The following LUZP2 variants were observed in gnomAD, a reference collection of about 807,000 sequenced individuals.
LUZP2 encodes the protein leucine zipper protein 2.
In LUZP2, 52 loss-of-function variants were observed where a neutral mutation model predicts 51.6. The observed-to-expected ratio is 1.01, with a 90% CI of 0.81 to 1.27. LUZP2 has a LOEUF of 1.27. Among genes scored for constraint, LUZP2 ranks in the 50% most tolerant of loss-of-function variants. The pLI, the probability that LUZP2 is intolerant of heterozygous loss-of-function variation, is 0.00. For missense variants in LUZP2, 436 were observed against 395.4 expected (o/e 1.10, Z -0.87); for synonymous variants, 154 against 137.3 (o/e 1.12, Z -0.85).
chr11:25,003,609 C>T (rs922522882), intron 9 of LUZP2, among the ~76,000 whole-genome samples: 11 of 152,126 alleles, frequency 7.2e-5, no homozygotes, highest in African/African-American at 1.7e-4. Flanking sequence ...AGCTTTTAAA[C>T]GTTTAACAAT....
intron 5 of LUZP2, among the ~76,000 whole-genome samples, chr11:24,789,691 G>A (rs1461819320): frequency 6.6e-6 from 1 of 152,156 alleles, no homozygotes; most frequent in Non-Finnish European, 1.5e-5. Flanking sequence ...GGAAGTCCAA[G>A]ATCAAGATGC....
intron 9 of LUZP2, among the ~76,000 whole-genome samples, chr11:25,013,687 C>A (rs1276034150): frequency 6.6e-6 from 1 of 151,868 alleles, no homozygotes; most frequent in Non-Finnish European, 1.5e-5. Context: ...ATAAGGTCAC[C>A]CAATGATATA....
chr11:24,697,506 A>T (rs1857285855), intron 1 of LUZP2, among the ~76,000 whole-genome samples: 1 of 152,216 alleles, frequency 6.6e-6, no homozygotes, highest in South Asian at 2.1e-4. Flanking sequence ...TCACAAGCTA[A>T]CTACCTTTGC....
intron 9 of LUZP2, among the ~76,000 whole-genome samples, chr11:24,991,303 T>C (rs1017295939): frequency 1.3e-5 from 2 of 151,522 alleles, no homozygotes; most frequent in Non-Finnish European, 1.5e-5. Flanking sequence ...ATTAATTTAT[T>C]CCTTGTTATG....
intron 1 of LUZP2, among the ~76,000 whole-genome samples, chr11:24,639,989 G>A (rs34901679): frequency 6.6e-6 from 1 of 151,506 alleles, no homozygotes; most frequent in African/African-American, 2.4e-5. Flanking sequence ...TCTGACATTA[G>A]GTTAAATGTC....
intron 9 of LUZP2, among the ~76,000 whole-genome samples, chr11:24,983,911 G>A (rs1856115462): frequency 6.6e-6 from 1 of 151,294 alleles, no homozygotes; most frequent in African/African-American, 2.4e-5. Context: ...ACTCATTTGA[G>A]CAAATCTTCC....
At chr11:24,891,202 C>G in intron 5 of LUZP2, 3 of 984,870 alleles carry the variant, frequency 3.0e-6, no homozygotes, top group Non-Finnish European at 3.6e-6. Context: ...TGTGATGAAG[C>G]ATACCCTTGT....
At chr11:25,014,944 G>A (rs951007209) in intron 9 of LUZP2, among the ~76,000 whole-genome samples, 5 of 152,118 alleles carry the variant, frequency 3.3e-5, no homozygotes, top group Non-Finnish European at 7.4e-5. Flanking sequence ...GTAAGGAAGG[G>A]ATCCAGTTTC....
At chr11:24,549,350 C>T (rs1267926684) in intron 1 of LUZP2, among the ~76,000 whole-genome samples, 1 of 152,090 alleles carries the variant, frequency 6.6e-6, no homozygotes, top group Non-Finnish European at 1.5e-5. Context: ...CATCAGCACA[C>T]ACGGAGCTGT....
intron 5 of LUZP2, among the ~76,000 whole-genome samples, chr11:24,840,262 A>G (rs1013920912): frequency 1.3e-5 from 2 of 151,850 alleles, no homozygotes; most frequent in African/African-American, 4.8e-5. Flanking sequence ...AAAACATAGT[A>G]ACATTTATCC....
At chr11:24,654,504 C>T (rs1304419936) in intron 1 of LUZP2, among the ~76,000 whole-genome samples, 2 of 152,010 alleles carry the variant, frequency 1.3e-5, no homozygotes, top group African/African-American at 2.4e-5. Flanking sequence ...CAACTTCCAC[C>T]CCTGGGCTCA....
intron 1 of LUZP2, among the ~76,000 whole-genome samples, chr11:24,541,257 GAAAAAA>G (rs3077907): frequency 8.8e-6 from 1 of 114,212 alleles, no homozygotes; most frequent in South Asian, 3.1e-4. Context: ...TCATCTCAAG[GAAAAAA>G]AAAAAAAAAA....
At chr11:24,504,375 G>A (rs79662838) in intron 1 of LUZP2, among the ~76,000 whole-genome samples, 2 of 152,088 alleles carry the variant, frequency 1.3e-5, no homozygotes, top group African/African-American at 4.8e-5. Flanking sequence ...CACAGTTTGT[G>A]TGATGATGTA....
intron 1 of LUZP2, among the ~76,000 whole-genome samples, chr11:24,663,909 C>T (rs573921786): frequency 1.4e-4 from 22 of 152,264 alleles, no homozygotes; most frequent in Non-Finnish European, 2.2e-4. Context: ...ATTGTAAGTT[C>T]CTGAAGGCTT....
intron 1 of LUZP2, among the ~76,000 whole-genome samples, chr11:24,634,387 C>A (rs1280328431): frequency 6.6e-6 from 1 of 151,910 alleles, no homozygotes. Flanking sequence ...CTTTGTATGG[C>A]TATCACAGAA....
At chr11:24,536,726 G>A (rs1365149899) in intron 1 of LUZP2, among the ~76,000 whole-genome samples, 1 of 151,828 alleles carries the variant, frequency 6.6e-6, no homozygotes, top group Non-Finnish European at 1.5e-5. Flanking sequence ...TGTATTCACT[G>A]GAGTAGCACT....
At chr11:24,935,817 A>C (rs919316668) in intron 7 of LUZP2, among the ~76,000 whole-genome samples, 1 of 152,190 alleles carries the variant, frequency 6.6e-6, no homozygotes, top group African/African-American at 2.4e-5. Context: ...AAGAATGGTA[A>C]AATGGTTACC....
At chr11:24,833,170 T>C (rs543733737) in intron 5 of LUZP2, among the ~76,000 whole-genome samples, 107 of 152,290 alleles carry the variant, frequency 7.0e-4, no homozygotes, top group African/African-American at 2.5e-3. Context: ...CAAATTATAG[T>C]TCCTTAAAAT....
intron 1 of LUZP2, among the ~76,000 whole-genome samples, chr11:24,583,487 C>T (rs971647167): frequency 1.4e-5 from 2 of 146,340 alleles, no homozygotes; most frequent in African/African-American, 2.6e-5. Context: ...TAAGTAAATG[C>T]TATCATTTGC....
Sources: allele counts gnomAD v4.1 joint callset (sites outside exome capture counted in the v4.1 genomes callset), GRCh38; gene constraint gnomAD v4.1.1; transcripts MANE v1.5; gene names NCBI Gene and HGNC (gene_info 2026-07-23, HGNC 2026-07-21).